Variants in CSMD1 observed in about 807,000 individuals in gnomAD.
CSMD1 encodes the protein CUB and sushi domain-containing protein 1.
CSMD1 carries 213 observed loss-of-function variants against 417.5 expected under a neutral mutation model. The observed-to-expected ratio is 0.51, with a 90% CI of 0.46 to 0.57. The LOEUF (loss-of-function observed/expected upper bound fraction) is 0.57. Among genes scored for constraint, CSMD1 ranks in the 20% least tolerant of loss-of-function variants. The probability of loss-of-function intolerance (pLI) is 0.00; values close to 1 mark genes in which losing one functional copy is unlikely to be tolerated. For missense variants in CSMD1, 6,923 were observed against 4,529.7 expected, an observed-to-expected ratio of 1.53 and a Z score of -15.17; for synonymous variants, 2,862 against 1,736.8, an observed-to-expected ratio of 1.65 and a Z score of -16.11.
At chr8:3,912,625 C>T (rs1185848017) in intron 5 of CSMD1, among the ~76,000 whole-genome samples, 3 of 152,094 alleles carry the variant, frequency 2.0e-5, no homozygotes, top group Admixed American at 6.6e-5. Flanking sequence ...GTGAATTGCA[C>T]CCAGTGTTTA....
At chr8:3,723,072 A>C (rs542053232) in intron 6 of CSMD1, among the ~76,000 whole-genome samples, 2 of 152,206 alleles carry the variant, frequency 1.3e-5, no homozygotes, top group Non-Finnish European at 2.9e-5. Flanking sequence ...CTTCTCTTAG[A>C]GTCCTAAGGA....
intron 1 of CSMD1, among the ~76,000 whole-genome samples, chr8:4,780,444 C>A (rs1797096285): frequency 6.6e-6 from 1 of 151,432 alleles, no homozygotes; most frequent in South Asian, 2.1e-4. Flanking sequence ...TGTCTACCTA[C>A]CTACCTACCT....
intron 36 of CSMD1, among the ~76,000 whole-genome samples, chr8:3,182,751 G>A (rs913370182): frequency 2.9e-5 from 4 of 138,344 alleles, no homozygotes; most frequent in African/African-American, 5.8e-5. Context: ...AAGAAGCTCT[G>A]TGTGTGTGTG....
chr8:3,583,893 A>G (rs1033764896), intron 9 of CSMD1, among the ~76,000 whole-genome samples: 1 of 151,608 alleles, frequency 6.6e-6, no homozygotes, highest in Non-Finnish European at 1.5e-5. Flanking sequence ...ATGCAACTAG[A>G]TAGATAAGGA....
intron 3 of CSMD1, among the ~76,000 whole-genome samples, chr8:4,382,984 G>T (rs1014549023): frequency 6.6e-6 from 1 of 152,176 alleles, no homozygotes; most frequent in Non-Finnish European, 1.5e-5. Flanking sequence ...CTGAGAGGTC[G>T]CACCATCGTC....
chr8:3,501,815 C>A (rs1486392786), intron 10 of CSMD1, among the ~76,000 whole-genome samples: 1 of 152,166 alleles, frequency 6.6e-6, no homozygotes, highest in African/African-American at 2.4e-5. Flanking sequence ...AATAATTTTA[C>A]TTGTTTTCAC....
At chr8:4,079,740 T>C (rs191868103) in intron 3 of CSMD1, among the ~76,000 whole-genome samples, 28 of 152,316 alleles carry the variant, frequency 1.8e-4, no homozygotes, top group African/African-American at 5.8e-4. Context: ...GATATTTTTG[T>C]AGTGATGAAA....
At chr8:4,597,117 T>A (rs1487804652) in intron 2 of CSMD1, among the ~76,000 whole-genome samples, 1 of 152,032 alleles carries the variant, frequency 6.6e-6, no homozygotes, top group African/African-American at 2.4e-5. Context: ...ACAATTTTTT[T>A]TTTTCTAGCA....
At chr8:3,683,244 A>G (rs1563269270) in intron 7 of CSMD1, among the ~76,000 whole-genome samples, 2 of 151,792 alleles carry the variant, frequency 1.3e-5, no homozygotes, top group African/African-American at 4.8e-5. Flanking sequence ...TAAAAAATAA[A>G]TAAAAAAATA....
chr8:4,337,351 C>T (rs1227126136), intron 3 of CSMD1, among the ~76,000 whole-genome samples: 1 of 152,020 alleles, frequency 6.6e-6, no homozygotes, highest in Admixed American at 6.6e-5. Flanking sequence ...GACATTGTTG[C>T]AAACTTCCAC....
intron 5 of CSMD1, among the ~76,000 whole-genome samples, chr8:3,809,075 G>C (rs377222119): frequency 2.0e-5 from 3 of 152,152 alleles, no homozygotes; most frequent in East Asian, 3.9e-4. Flanking sequence ...GAATCACGCA[G>C]CTTCTATCAT....
At chr8:4,291,953 G>C (rs535886270) in intron 3 of CSMD1, among the ~76,000 whole-genome samples, 1 of 152,146 alleles carries the variant, frequency 6.6e-6, no homozygotes, top group East Asian at 1.9e-4. Flanking sequence ...CAGGGAGCCT[G>C]GTGTCCAGAA....
chr8:4,814,022 A>C (rs1385831835), intron 1 of CSMD1, among the ~76,000 whole-genome samples: 1 of 152,262 alleles, frequency 6.6e-6, no homozygotes, highest in Non-Finnish European at 1.5e-5. Context: ...TTTGAGCTTC[A>C]TCACATTTAA....
At chr8:4,346,840 G>T (rs1336464762) in intron 3 of CSMD1, among the ~76,000 whole-genome samples, 1 of 152,168 alleles carries the variant, frequency 6.6e-6, no homozygotes, top group Non-Finnish European at 1.5e-5. Flanking sequence ...TTGAGACTGA[G>T]GGCCTGAGGC....
intron 3 of CSMD1, among the ~76,000 whole-genome samples, chr8:4,159,512 T>C (rs1797025539): frequency 6.6e-6 from 1 of 152,214 alleles, no homozygotes. Context: ...CTGTGGTATA[T>C]ATATGATGGA....
intron 2 of CSMD1, among the ~76,000 whole-genome samples, chr8:4,497,857 T>A (rs1802055723): frequency 6.6e-6 from 1 of 152,196 alleles, no homozygotes. Context: ...TTTTCTTTGG[T>A]GCAGTCGTAG....
At chr8:4,647,579 C>A (rs1254662971) in intron 1 of CSMD1, among the ~76,000 whole-genome samples, 2 of 152,174 alleles carry the variant, frequency 1.3e-5, no homozygotes, top group Admixed American at 6.5e-5. Flanking sequence ...CCCCACCCCC[C>A]AATATGTCCT....
At chr8:4,611,630 T>C (rs986965332) in intron 2 of CSMD1, among the ~76,000 whole-genome samples, 1 of 152,174 alleles carries the variant, frequency 6.6e-6, no homozygotes, top group East Asian at 1.9e-4. Context: ...CTCCTATAAA[T>C]GTAAGTCATT....
chr8:3,425,274 G>T (rs1002044405), intron 12 of CSMD1, among the ~76,000 whole-genome samples: 3 of 152,294 alleles, frequency 2.0e-5, no homozygotes, highest in East Asian at 1.9e-4. Flanking sequence ...CTTGGGACAA[G>T]GGAAACTCCT....
Sources: gnomAD v4.1 joint callset for allele counts (sites outside exome capture counted in the v4.1 genomes callset) on GRCh38, gnomAD v4.1.1 for gene constraint, MANE v1.5 for transcripts, NCBI Gene and HGNC (gene_info 2026-07-23, HGNC 2026-07-21) for gene names.